Variants in CNIH3 observed in about 807,000 individuals in gnomAD.
CNIH3 encodes the protein cornichon family AMPA receptor auxiliary protein 3.
CNIH3 carries 14 observed loss-of-function variants against 24.1 expected under a neutral mutation model. The ratio of observed to expected loss-of-function variants is 0.58; its 90% confidence interval spans 0.38 to 0.91. CNIH3 has a LOEUF of 0.91. Among genes scored for constraint, CNIH3 ranks in the 40% least tolerant of loss-of-function variants. CNIH3 has a pLI of 0.00. For synonymous variants in CNIH3, 68 were observed against 73.8 expected (o/e 0.92, Z 0.40); for missense variants, 178 against 196.8 (o/e 0.90, Z 0.57).
chr1:224,441,064 C>A lies in CNIH3; in HGVS notation n.203+6202C>A, dbSNP rs377641061. The stretch of plus-strand genomic sequence containing the variant: ...ATCTCCTGACCTCATGATCCGCCCC[C>A]CTCGGCCTCCCAAAGTGTTAGGATT... On this transcript the variant is annotated intron_variant and non_coding_transcript_variant, in intron 1 of 5. Coordinates refer to the CNIH3 transcript ENST00000471578. Among the ~76,000 whole-genome samples, 32 of 152,308 alleles carry A rather than the reference C, an allele frequency of 2.1e-4. No individual in the cohort carries two copies. In the East Asian group the frequency reaches 5.8e-3, roughly 28 times the overall value.
chr1:224,529,435 G>A (rs1351992158), intron 2 of CNIH3: 1 of 152,194 alleles, frequency 6.6e-6, no homozygotes, highest in Non-Finnish European at 1.5e-5. Flanking sequence ...GAGCAGTGGA[G>A]GGATGCATAA....
At chr1:224,483,847 T>C (rs1676917423) in intron 1 of CNIH3, among the ~76,000 whole-genome samples, 1 of 152,198 alleles carries the variant, frequency 6.6e-6, no homozygotes, top group Non-Finnish European at 1.5e-5. Flanking sequence ...GAAATTTGCA[T>C]GTATGTAGTT....
downstream of CNIH3, among the ~76,000 whole-genome samples, chr1:224,540,932 A>G (rs551058345): frequency 2.6e-5 from 4 of 152,330 alleles, no homozygotes; most frequent in South Asian, 8.3e-4. Context: ...TCAGCCTGCA[A>G]GTCTGTTTGC....
At chr1:224,683,035 G>A (rs1227127200) in intron 2 of CNIH3, among the ~76,000 whole-genome samples, 1 of 152,186 alleles carries the variant, frequency 6.6e-6, no homozygotes, top group Non-Finnish European at 1.5e-5. Context: ...AGAAAATCAG[G>A]ACTAGTATAT....
chr1:224,467,919 T>C (rs1676215102), intron 1 of CNIH3, among the ~76,000 whole-genome samples: 1 of 151,948 alleles, frequency 6.6e-6, no homozygotes, highest in Admixed American at 6.5e-5. Context: ...ACTTTTTTTT[T>C]TTCTTCACCA....
At chr1:224,444,358 T>TTTTTTA (rs749300269) in intron 1 of CNIH3, among the ~76,000 whole-genome samples, 38 of 152,068 alleles carry the variant, frequency 2.5e-4, no homozygotes, top group Non-Finnish European at 3.8e-4. Context: ...GCATTTGGTT[T>TTTTTTA]TTTTTATTTT....
intron 1 of CNIH3, among the ~76,000 whole-genome samples, chr1:224,468,850 A>G (rs1172368909): frequency 6.6e-6 from 1 of 151,868 alleles, no homozygotes; most frequent in Non-Finnish European, 1.5e-5. Context: ...AAAAGAAAGA[A>G]TGGTGATGCC....
At position 224,739,483 on chromosome 1, in the gene CNIH3, C is replaced by T; in HGVS notation, c.*127C>T. On this transcript the variant is annotated 3_prime_UTR_variant, in exon 6 of 6. Coordinates refer to ENST00000272133, the MANE Select transcript of CNIH3 (RefSeq NM_152495.2). ...GTGAGAAATAGACCCGGCAGGCAGT[C>T]AGACTGAATGGGAGCTGGAATCACG... is the stretch of plus-strand genomic sequence containing the variant. The T allele has an allele frequency of 6.6e-7, 1 of 1,524,996 alleles. No individual in the cohort carries two copies. Among genetic ancestry groups the T allele is most frequent in the South Asian group, 1.3e-5 (1 of 78,424 alleles). 94.5% of individuals were successfully genotyped at this position (1,524,996 alleles called of 1,614,324 possible). A position where few individuals can be genotyped will look rare whatever the true frequency, so the allele number is the denominator to read the frequency against.
Position 224,616,977 on chromosome 1 carries a change from T to TGG in CNIH3, c.-195_-194dup. 3 of 1,413,418 alleles carry TGG rather than the reference T, an allele frequency of 2.1e-6. No individual in the cohort carries two copies. The highest frequency in any genetic ancestry group is 2.8e-6 in the Non-Finnish European group (3 of 1,089,596). The allele number at this position is 1,413,418 out of a possible 1,614,324, so 87.6% of individuals were successfully genotyped here. A position where few individuals can be genotyped will look rare whatever the true frequency, so the allele number is the denominator to read the frequency against. On this transcript the variant is annotated 5_prime_UTR_variant, in exon 1 of 6. It introduces an in-frame stop codon into an upstream open reading frame of the 5' UTR. Transcript: ENST00000272133. ...CCTGTCTTCGCCGGAGGGCCGGGTC[T>TGG]GGGGTCGCCGGAGCCTGCGGGAATC... is the stretch of plus-strand genomic sequence containing the variant.
Position 224,544,389 on chromosome 1 carries a change from A to G in CNIH3, n.340-2440A>G, listed in dbSNP as rs929328875. The stretch of plus-strand genomic sequence containing the variant: ...CTTATTTTCCACTGGCATTGAGGTC[A>G]TCATCTCATGCACGCCAACTCAGAT... On this transcript the variant is annotated intron_variant and non_coding_transcript_variant, in intron 2 of 5. Transcript: ENST00000471578. 3.9e-5 allele frequency among the ~76,000 whole-genome samples: 6 copies of G among 152,320 alleles called. No homozygotes were observed. The Middle Eastern group carries it at 0.01, about 259-fold the overall frequency.
intron 1 of CNIH3, among the ~76,000 whole-genome samples, chr1:224,652,517 A>G (rs1684905440): frequency 6.6e-6 from 1 of 152,186 alleles, no homozygotes; most frequent in African/African-American, 2.4e-5. Flanking sequence ...GTAGGAAGAA[A>G]GGAAGTGAGG....
At chr1:224,642,102 A>G (rs1684389492) in intron 1 of CNIH3, among the ~76,000 whole-genome samples, 1 of 152,162 alleles carries the variant, frequency 6.6e-6, no homozygotes, top group African/African-American at 2.4e-5. Context: ...CTTATTTGCT[A>G]TTTTGTTCAA....
rs148063376 is a variant in CNIH3 at position 224,451,242 on chromosome 1, G to A, written n.203+16380G>A. Among the ~76,000 whole-genome samples the A allele has an allele frequency of 3.0e-3, 450 of 152,326 alleles. 2 individuals are homozygous for A. Among genetic ancestry groups the A allele is most frequent in the African/African-American group, 0.01 (421 of 41,572 alleles). ...AGCATGAACTTGTCAAGCAAGAGCC[G>A]TGGCTCGGGGCAGCCTCTTGGTCAG... On this transcript the variant is annotated intron_variant and non_coding_transcript_variant, in intron 1 of 5. Transcript: ENST00000471578.
At chr1:224,489,863 C>T (rs1051914248) in intron 1 of CNIH3, among the ~76,000 whole-genome samples, 14 of 152,144 alleles carry the variant, frequency 9.2e-5, no homozygotes, top group South Asian at 2.1e-4. Flanking sequence ...TGGGTCCTCA[C>T]GTGTTGAAAG....
chr1:224,435,116 G>T (rs2102933803), intron 1 of CNIH3: 1 of 985,828 alleles, frequency 1.0e-6, no homozygotes, highest in Non-Finnish European at 1.2e-6. Context: ...GCGTGCGTGC[G>T]TGAGTCCACC....
chr1:224,652,372 C>T (rs1684899983), intron 1 of CNIH3, among the ~76,000 whole-genome samples: 1 of 152,120 alleles, frequency 6.6e-6, no homozygotes, highest in African/African-American at 2.4e-5. Context: ...CAAGAGCTAA[C>T]AGGTTTGATG....
chr1:224,571,265 G>A (rs938949214), intron 4 of CNIH3, among the ~76,000 whole-genome samples: 5 of 152,188 alleles, frequency 3.3e-5, no homozygotes, highest in South Asian at 2.1e-4. Context: ...TTTTGAGAGT[G>A]GCCCTAATGC....
At chr1:224,607,114 A>T (rs1179515985) in intron 3 of CNIH3, among the ~76,000 whole-genome samples, 1 of 152,266 alleles carries the variant, frequency 6.6e-6, no homozygotes, top group Non-Finnish European at 1.5e-5. Flanking sequence ...TAGGTATACA[A>T]GGGCATGCAA....
At chr1:224,445,305 G>A (rs1572253227) in intron 1 of CNIH3, among the ~76,000 whole-genome samples, 1 of 151,750 alleles carries the variant, frequency 6.6e-6, no homozygotes, top group East Asian at 2.0e-4. Flanking sequence ...GCCGGGTGTG[G>A]TGGCTCACAC....
Sources: gnomAD v4.1 joint callset for allele counts (sites outside exome capture counted in the v4.1 genomes callset) on GRCh38, gnomAD v4.1.1 for gene constraint, MANE v1.5 for transcripts, NCBI Gene and HGNC (gene_info 2026-07-23, HGNC 2026-07-21) for gene names.